The following PLCB4 variants were observed in gnomAD, a reference collection of about 807,000 sequenced individuals.
PLCB4 encodes the protein phospholipase C beta 4.
Under a neutral mutation model 178.8 loss-of-function variants are expected in PLCB4, and 77 were observed. The ratio of observed to expected loss-of-function variants is 0.43; its 90% CI spans 0.36 to 0.52. The LOEUF is 0.52. PLCB4 is among the 20% of genes least tolerant of loss of function. The pLI, the probability that PLCB4 is intolerant of heterozygous loss-of-function variation, is 0.00. For missense variants in PLCB4, 1,024 were observed against 1,453.4 expected (o/e 0.70, Z 4.80); for synonymous variants, 496 against 490.8 (o/e 1.01, Z -0.14).
At chr20:9,240,729 A>G (rs575092268) in intron 3 of PLCB4, among the ~76,000 whole-genome samples, 1 of 151,200 alleles carries the variant, frequency 6.6e-6, no homozygotes, top group Non-Finnish European at 1.5e-5. Context: ...TTTGTTCTTG[A>G]CCCTTTCTCT....
At chr20:9,229,203 C>G (rs1284703953) in intron 3 of PLCB4, among the ~76,000 whole-genome samples, 1 of 152,182 alleles carries the variant, frequency 6.6e-6, no homozygotes, top group Non-Finnish European at 1.5e-5. Context: ...GGACTACAGT[C>G]TCCTGTCTGA....
intron 3 of PLCB4, among the ~76,000 whole-genome samples, chr20:9,302,487 T>G (rs977888367): frequency 6.6e-6 from 1 of 152,094 alleles, no homozygotes; most frequent in African/African-American, 2.4e-5. Context: ...TTTCCACAGA[T>G]AGCACAAAGA....
At chr20:9,203,234 G>C (rs1448092076) in intron 2 of PLCB4, among the ~76,000 whole-genome samples, 1 of 151,728 alleles carries the variant, frequency 6.6e-6, no homozygotes, top group African/African-American at 2.4e-5. Context: ...TAATGTAAAG[G>C]TCCTTGAGGT....
rs374910502 is a variant in PLCB4, at chr20:9,191,164, C to G, written c.-78-26226C>G. On this transcript the variant is annotated intron_variant, in intron 2 of 39. Coordinates refer to ENST00000378473, the MANE Select transcript of PLCB4 (RefSeq NM_001377142.1). ...TGAACCTTAGGAAGTATTTTGCATA[C>G]AGTAGTAAAATAAATTACATGGAAT... Among the ~76,000 whole-genome samples the G allele has an allele frequency of 3.3e-5, 5 of 152,014 alleles. No homozygotes were observed. In the East Asian group the frequency reaches 9.7e-4, roughly 29 times the overall value.
chr20:9,442,567 C>T (rs1246085161), intron 30 of PLCB4, among the ~76,000 whole-genome samples: 1 of 152,072 alleles, frequency 6.6e-6, no homozygotes, highest in East Asian at 1.9e-4. Context: ...TTTCATCAGA[C>T]TGGGTCAAAC....
chr20:9,269,798 G>C (rs2094385006), intron 3 of PLCB4, among the ~76,000 whole-genome samples: 1 of 152,150 alleles, frequency 6.6e-6, no homozygotes, highest in Non-Finnish European at 1.5e-5. Flanking sequence ...GCCATCACTG[G>C]ACTTTTGAGT....
intron 4 of PLCB4, among the ~76,000 whole-genome samples, chr20:9,327,237 G>A (rs1007233210): frequency 2.0e-5 from 3 of 151,848 alleles, no homozygotes; most frequent in African/African-American, 7.3e-5. Flanking sequence ...CCAGGAGTTC[G>A]AGTTCAGCCT....
chr20:9,098,753 GTGTGTGTGTGTA>G (rs1300741456), intron 2 of PLCB4, among the ~76,000 whole-genome samples: 1 of 146,938 alleles, frequency 6.8e-6, no homozygotes, highest in East Asian at 2.0e-4. Context: ...GTGTGTGTGT[GTGTGTGTGTGTA>G]TATATATATG....
intron 5 of PLCB4, among the ~76,000 whole-genome samples, chr20:9,337,735 A>G (rs1329981222): frequency 6.6e-6 from 1 of 152,222 alleles, no homozygotes; most frequent in African/African-American, 2.4e-5. Context: ...TTTTATATAT[A>G]AAAGTAACAG....
At chr20:9,321,620 T>A (rs2094959123) in intron 4 of PLCB4, among the ~76,000 whole-genome samples, 1 of 151,974 alleles carries the variant, frequency 6.6e-6, no homozygotes, top group Non-Finnish European at 1.5e-5. Flanking sequence ...TACCAGGGCT[T>A]TTTTAGGTTT....
intron 4 of PLCB4, among the ~76,000 whole-genome samples, chr20:9,329,544 A>G (rs1183109234): frequency 6.6e-6 from 1 of 152,166 alleles, no homozygotes; most frequent in Non-Finnish European, 1.5e-5. Context: ...GGAGACTAGA[A>G]CGGCATCTCC....
chr20:9,074,802 T>G (rs1471750762), intron 1 of PLCB4, among the ~76,000 whole-genome samples: 13 of 125,338 alleles, frequency 1.0e-4, no homozygotes, highest in East Asian at 7.1e-4. Flanking sequence ...TTTTTTTTTT[T>G]TTTTTAAACA....
intron 1 of PLCB4, among the ~76,000 whole-genome samples, chr20:9,083,093 A>T (rs6086759): frequency 0.49 from 74,091 of 151,974 alleles, 18,561 homozygotes; most frequent in Middle Eastern, 0.57. Context: ...TGTTCTACTT[A>T]ATATTGAACC....
chr20:9,206,821 G>C (rs1010859553), intron 2 of PLCB4, among the ~76,000 whole-genome samples: 46 of 152,170 alleles, frequency 3.0e-4, no homozygotes, highest in African/African-American at 1.1e-3. Flanking sequence ...GCTATTTTAA[G>C]TCAAATTATA....
intron 2 of PLCB4, among the ~76,000 whole-genome samples, chr20:9,150,652 A>G (rs6086794): frequency 0.89 from 135,150 of 152,132 alleles, 60,392 homozygotes; most frequent in East Asian, 1. Flanking sequence ...CCTAGTTTAG[A>G]AGGAGGCCTG....
chr20:9,305,490 T>C (rs917067856), intron 3 of PLCB4, among the ~76,000 whole-genome samples: 1 of 152,286 alleles, frequency 6.6e-6, no homozygotes, highest in Non-Finnish European at 1.5e-5. Flanking sequence ...CATATATTGA[T>C]ATAATCTAGG....
intron 3 of PLCB4, among the ~76,000 whole-genome samples, chr20:9,250,721 A>G (rs1875807335): frequency 6.6e-6 from 1 of 152,202 alleles, no homozygotes; most frequent in Admixed American, 6.5e-5. Flanking sequence ...CACAGTGAGT[A>G]ATGAATCTAG....
At chr20:9,472,727 T>G in intron 36 of PLCB4, 63 bp from the exon 37 acceptor site, 1 of 891,308 alleles carries the variant, frequency 1.1e-6, no homozygotes, top group Non-Finnish European at 1.8e-6. Flanking sequence ...CTCTTTATTA[T>G]TTGATATAAT....
intron 3 of PLCB4, among the ~76,000 whole-genome samples, chr20:9,235,605 G>A (rs1227987039): frequency 6.6e-6 from 1 of 152,148 alleles, no homozygotes; most frequent in East Asian, 1.9e-4. Flanking sequence ...TTGATTGTGA[G>A]GCCTCTGCAG....
Sources: gnomAD v4.1 joint callset for allele counts (sites outside exome capture counted in the v4.1 genomes callset) on GRCh38, gnomAD v4.1.1 for gene constraint, MANE v1.5 for transcripts, NCBI Gene and HGNC (gene_info 2026-07-23, HGNC 2026-07-21) for gene names.